SLC24A2: variants seen among roughly 807,000 people sequenced by gnomAD.
The protein encoded by SLC24A2 is sodium/potassium/calcium exchanger 2.
SLC24A2 carries 36 observed loss-of-function variants against 62.0 expected under a neutral mutation model. The observed-to-expected ratio is 0.58, with a 90% CI of 0.44 to 0.77. SLC24A2 has a LOEUF of 0.77. SLC24A2 is among the 30% of genes least tolerant of loss of function. The pLI is 0.00. For missense variants in SLC24A2, 846 were observed against 817.9 expected, an observed-to-expected ratio of 1.03 and a Z score of -0.42; for synonymous variants, 358 against 294.0, an observed-to-expected ratio of 1.22 and a Z score of -2.23.
chr9:19,707,626 G>A (rs1820572884), intron 2 of SLC24A2, among the ~76,000 whole-genome samples: 1 of 152,144 alleles, frequency 6.6e-6, no homozygotes, highest in African/African-American at 2.4e-5. Context: ...ATGTAATCCA[G>A]CATATAAACA....
intron 2 of SLC24A2, among the ~76,000 whole-genome samples, chr9:19,701,062 T>A (rs7024143): frequency 0.37 from 55,617 of 152,132 alleles, 11,693 homozygotes; most frequent in African/African-American, 0.59. Flanking sequence ...AATTTACTAT[T>A]TGAAATCTGG....
chr9:19,960,424 T>C, the SLC24A2 span, among the ~76,000 whole-genome samples: 1 of 152,198 alleles, frequency 6.6e-6, no homozygotes, highest in Non-Finnish European at 1.5e-5. Context: ...GAGCTGCAGT[T>C]TGGAAACCAA....
At chr9:20,291,138 G>C in the SLC24A2 span, among the ~76,000 whole-genome samples, 3 of 152,088 alleles carry the variant, frequency 2.0e-5, no homozygotes, top group African/African-American at 4.8e-5. Context: ...TGAGAAGTAG[G>C]GGGACAAAAT....
the SLC24A2 span, among the ~76,000 whole-genome samples, chr9:20,247,682 G>A: frequency 1.3e-5 from 2 of 152,314 alleles, no homozygotes; most frequent in South Asian, 4.2e-4. Flanking sequence ...ATAGTATGGT[G>A]TTATGACAGC....
the SLC24A2 span, among the ~76,000 whole-genome samples, chr9:20,158,707 G>A: frequency 6.6e-6 from 1 of 150,916 alleles, no homozygotes; most frequent in Admixed American, 6.6e-5. Context: ...AAAGAAGGAA[G>A]TAAAAGTGGT....
chr9:19,923,439 A>C, the SLC24A2 span, among the ~76,000 whole-genome samples: 51 of 152,274 alleles, frequency 3.3e-4, no homozygotes, highest in African/African-American at 1.2e-3. Flanking sequence ...TGATGAGGAA[A>C]AGCAGCCACC....
chr9:19,511,629 G>GA lies in SLC24A2; in HGVS notation c.*4523dup, dbSNP rs1832721004. The GA allele has an allele frequency of 6.6e-6, 1 of 152,158 alleles. No homozygotes were observed. The highest frequency in any genetic ancestry group is 2.1e-4 in the South Asian group (1 of 4,826). The allele number at this position is 152,158 out of a possible 1,614,324, so 9.4% of individuals were successfully genotyped here. A position where few individuals can be genotyped will look rare whatever the true frequency, so the allele number is the denominator to read the frequency against. On this transcript the variant is annotated 3_prime_UTR_variant, in exon 11 of 11. Transcript: ENST00000341998. ...TATTGTTGAGACAGGTATAGGGGTTGAGGAGGTATCTTTTAAAAATATTAA... is the reference window on the plus strand; with the variant it reads ...TATTGTTGAGACAGGTATAGGGGTTGAAGGAGGTATCTTTTAAAAATATTAA...
At chr9:20,298,049 T>TGGAGCAGGCAGCAGGGAGCA in the SLC24A2 span, among the ~76,000 whole-genome samples, 2 of 152,162 alleles carry the variant, frequency 1.3e-5, no homozygotes, top group Non-Finnish European at 2.9e-5. Context: ...CAGGGCTGTA[T>TGGAGCAGGCAGCAGGGAGCA]GGAGCAGGCA....
intron 2 of SLC24A2, among the ~76,000 whole-genome samples, chr9:19,667,088 C>T (rs1265985621): frequency 3.3e-5 from 5 of 151,924 alleles, no homozygotes; most frequent in African/African-American, 9.7e-5. Context: ...AGAAGTAACT[C>T]GATTTTCTGG....
chr9:19,822,687 C>T, the SLC24A2 span, among the ~76,000 whole-genome samples: 15 of 152,166 alleles, frequency 9.9e-5, no homozygotes, highest in South Asian at 4.1e-4. Context: ...GTCTCTGAGA[C>T]GATGTGATTG....
chr9:19,587,102 T>G (rs184237737), intron 5 of SLC24A2, among the ~76,000 whole-genome samples: 1,765 of 152,306 alleles, frequency 0.012, 20 homozygotes, highest in Middle Eastern at 0.034. Context: ...ATATTTTGGG[T>G]ATGTGTCTCT....
the SLC24A2 span, among the ~76,000 whole-genome samples, chr9:20,175,325 A>G: frequency 2.6e-5 from 4 of 151,910 alleles, no homozygotes; most frequent in Admixed American, 2.6e-4. Flanking sequence ...CTCACCAATC[A>G]ACACTAAAGA....
chr9:19,535,079 T>C (rs968946785), intron 8 of SLC24A2, among the ~76,000 whole-genome samples: 1 of 152,222 alleles, frequency 6.6e-6, no homozygotes, highest in Non-Finnish European at 1.5e-5. Flanking sequence ...TATCTCATTG[T>C]GGTTTTGATT....
intron 8 of SLC24A2, among the ~76,000 whole-genome samples, chr9:19,536,434 G>A (rs1272317583): frequency 8.9e-6 from 1 of 112,210 alleles, no homozygotes; most frequent in Non-Finnish European, 1.7e-5. Flanking sequence ...TCCCACCTAT[G>A]AGTGAGAATA....
the SLC24A2 span, among the ~76,000 whole-genome samples, chr9:19,818,026 G>T: frequency 2.0e-5 from 3 of 152,084 alleles, no homozygotes; most frequent in Admixed American, 6.6e-5. Context: ...GGCTTTACAG[G>T]CATGAGCCAC....
chr9:19,534,725 A>G (rs1448308336), intron 8 of SLC24A2, among the ~76,000 whole-genome samples: 1 of 152,162 alleles, frequency 6.6e-6, no homozygotes, highest in Non-Finnish European at 1.5e-5. Context: ...TCCATGGTGT[A>G]TATGTGGCAC....
the SLC24A2 span, among the ~76,000 whole-genome samples, chr9:20,055,695 C>T: frequency 6.6e-6 from 1 of 152,052 alleles, no homozygotes; most frequent in Non-Finnish European, 1.5e-5. Context: ...CAAGACCACC[C>T]TGGGCAACAT....
At chr9:19,605,792 C>T (rs1405362713) in intron 4 of SLC24A2, among the ~76,000 whole-genome samples, 1 of 152,194 alleles carries the variant, frequency 6.6e-6, no homozygotes, top group Non-Finnish European at 1.5e-5. Flanking sequence ...ATACACTTAA[C>T]AGCCCACGAC....
the SLC24A2 span, among the ~76,000 whole-genome samples, chr9:20,181,166 G>C: frequency 6.6e-6 from 1 of 151,512 alleles, no homozygotes. Context: ...CTAGTCTCAA[G>C]TTCAAATCCT....
Sources: gnomAD v4.1 joint callset for allele counts (sites outside exome capture counted in the v4.1 genomes callset) on GRCh38, gnomAD v4.1.1 for gene constraint, MANE v1.5 for transcripts, NCBI Gene and HGNC (gene_info 2026-07-23, HGNC 2026-07-21) for gene names.